The following GLI2 variants were observed in gnomAD, a reference collection of about 807,000 sequenced individuals.
GLI2 encodes the protein GLI family zinc finger 2.
A neutral mutation model predicts 78.9 loss-of-function variants in GLI2; 22 were observed. The observed-to-expected ratio is 0.28, with a 90% CI of 0.20 to 0.40. The LOEUF is 0.40. GLI2 is among the 10% of genes least tolerant of loss of function. The probability of loss-of-function intolerance (pLI) is 1.00; values close to 1 mark genes in which losing one functional copy is unlikely to be tolerated. For synonymous variants in GLI2, 974 were observed against 963.7 expected (o/e 1.01, Z -0.20); for missense variants, 2,097 against 2,213.2 (o/e 0.95, Z 1.05).
At chr2:120,931,775 A>C (rs1679953692) in intron 3 of GLI2, among the ~76,000 whole-genome samples, 1 of 152,164 alleles carries the variant, frequency 6.6e-6, no homozygotes, top group Admixed American at 6.5e-5. Flanking sequence ...CCTGCAAGGT[A>C]GTTACTTCCG....
At chr2:120,960,599 C>G (rs1044123679) in intron 5 of GLI2, among the ~76,000 whole-genome samples, 4 of 152,244 alleles carry the variant, frequency 2.6e-5, no homozygotes, top group Non-Finnish European at 5.9e-5. Flanking sequence ...AATGGAAAAC[C>G]TAATCCCTGT....
At chr2:120,830,261 C>T (rs976203508) in intron 2 of GLI2, among the ~76,000 whole-genome samples, 2 of 152,202 alleles carry the variant, frequency 1.3e-5, no homozygotes, top group South Asian at 2.1e-4. Context: ...CCTCCTTGCC[C>T]TCCTGTTTGT....
At chr2:120,749,423 C>T (rs965036130) in intron 1 of GLI2, among the ~76,000 whole-genome samples, 1 of 152,176 alleles carries the variant, frequency 6.6e-6, no homozygotes, top group Non-Finnish European at 1.5e-5. Flanking sequence ...GGACCCCACA[C>T]ATAATCTCTT....
intron 2 of GLI2, among the ~76,000 whole-genome samples, chr2:120,922,897 G>A (rs1219632347): frequency 6.6e-6 from 1 of 152,228 alleles, no homozygotes; most frequent in Non-Finnish European, 1.5e-5. Flanking sequence ...AAGAGAAAGT[G>A]CTTCTCCTGT....
At position 120,974,941 on chromosome 2, in the gene GLI2, C is replaced by T. The variant is rs776392507; in HGVS notation, c.1183-34C>T. 3.1e-6 allele frequency: 5 copies of T among 1,614,116 alleles called. No individual in the cohort carries two copies. Among genetic ancestry groups the T allele is most frequent in the Admixed American group, 1.7e-5 (1 of 60,014 alleles). ...CTTTTCAGGGCCAGGTGTCTGGACA[C>T]GGCTCATGTGGGTGTGCCCTTCCCC... On this transcript the variant is annotated intron_variant, in intron 8 of 13. Transcript: ENST00000361492.
chr2:120,974,819 G>A (rs1389801874), intron 8 of GLI2, 156 bp from the exon 9 acceptor site: 1 of 950,998 alleles, frequency 1.1e-6, no homozygotes, highest in African/African-American at 1.6e-5. Context: ...TGCATGTGTT[G>A]TGTGTGTGCA....
At chr2:120,740,708 G>C (rs2104619928) in intron 1 of GLI2, among the ~76,000 whole-genome samples, 1 of 152,302 alleles carries the variant, frequency 6.6e-6, no homozygotes, top group Non-Finnish European at 1.5e-5. Context: ...TTTTGTCAAG[G>C]TTTATTGATT....
chr2:120,885,025 C>T (rs1226665995), intron 2 of GLI2, among the ~76,000 whole-genome samples: 1 of 152,216 alleles, frequency 6.6e-6, no homozygotes, highest in Non-Finnish European at 1.5e-5. Flanking sequence ...TGCCTTCCAT[C>T]TTGGAAGTGT....
In GLI2 at chr2:120,989,276, C is replaced by T. The variant is rs752010477; in HGVS notation, c.3311C>T (p.Ala1104Val). ...GCGGACTCCAACGTGGGCCCCTCCG[C>T]CCCTATGCTGGGAGGATGCCAGTTA... ...VAADSNVGPS[A>V]PMLGGCQLGF... Residue 1104 changes from alanine (A) to valine (V), a missense_variant, in exon 14 of 14, where the codon GCC becomes GTC. Ala to Val is a moderately conservative substitution (Grantham distance 64, BLOSUM62 0). This residue lies in a region of GLI2 where 1,290 missense variants were observed against 1,261.7 expected (regional missense o/e 1.02). Coordinates refer to ENST00000361492, the MANE Select transcript of GLI2 (RefSeq NM_001374353.1). The T allele has an allele frequency of 6.2e-7, 1 of 1,613,140 alleles. No individual in the cohort carries two copies. The highest frequency in any genetic ancestry group is 8.5e-7 in the Non-Finnish European group (1 of 1,180,022).
intron 1 of GLI2, among the ~76,000 whole-genome samples, chr2:120,753,093 A>ATTTT (rs55697602): frequency 9.8e-5 from 11 of 111,846 alleles, no homozygotes; most frequent in African/African-American, 3.1e-4. Flanking sequence ...TTCTGTACGT[A>ATTTT]TTTTTTTTTT....
intron 7 of GLI2, among the ~76,000 whole-genome samples, 174 bp downstream of exon 7, chr2:120,970,780 C>A (rs1032786912): frequency 6.6e-6 from 1 of 152,202 alleles, no homozygotes; most frequent in African/African-American, 2.4e-5. Context: ...TGGGCTCAGT[C>A]CATGGGAAGC....
At chr2:120,762,413 C>T (rs1297013808) in intron 1 of GLI2, among the ~76,000 whole-genome samples, 3 of 152,170 alleles carry the variant, frequency 2.0e-5, no homozygotes, top group Non-Finnish European at 2.9e-5. Context: ...TAAGCCTGCC[C>T]GCTGGAATTT....
chr2:120,740,547 A>C (rs1682499830), intron 1 of GLI2, among the ~76,000 whole-genome samples: 1 of 152,218 alleles, frequency 6.6e-6, no homozygotes, highest in South Asian at 2.1e-4. Flanking sequence ...TCTTGAATGA[A>C]GAGTTCAGCA....
At chr2:120,911,668 G>A (rs1678825591) in intron 2 of GLI2, among the ~76,000 whole-genome samples, 1 of 152,150 alleles carries the variant, frequency 6.6e-6, no homozygotes, top group Non-Finnish European at 1.5e-5. Flanking sequence ...CCACTCGCTG[G>A]GCTGGTCGTT....
intron 5 of GLI2, among the ~76,000 whole-genome samples, chr2:120,959,839 G>C (rs1273592154): frequency 1.3e-5 from 2 of 152,208 alleles, no homozygotes; most frequent in East Asian, 3.9e-4. Context: ...AATCCTCACT[G>C]AGAAAATTGT....
chr2:120,957,202 A>G (rs1029045678), intron 5 of GLI2, among the ~76,000 whole-genome samples: 1 of 152,168 alleles, frequency 6.6e-6, no homozygotes, highest in Non-Finnish European at 1.5e-5. Flanking sequence ...AACATGCCTC[A>G]GTGATGCCAC....
At chr2:120,943,321 C>A in intron 3 of GLI2, among the ~76,000 whole-genome samples, 1 of 152,136 alleles carries the variant, frequency 6.6e-6, no homozygotes, top group East Asian at 1.9e-4. Context: ...ACTGGAGGTG[C>A]AGACATCAAA....
rs147049153 is a variant in GLI2, at chr2:120,968,742, G to A, written c.672G>A (p.Thr224=). 4.0e-5 allele frequency: 65 copies of A among 1,613,168 alleles called. No individual in the cohort carries two copies. Among genetic ancestry groups the A allele is most frequent in the African/African-American group, 6.7e-5 (5 of 74,802 alleles). The change falls in exon 6 of 14, where the codon ACG becomes ACA. Residue 224 remains threonine, a synonymous_variant. Coordinates refer to ENST00000361492, the MANE Select transcript of GLI2 (RefSeq NM_001374353.1). ...CCCGTTTCTCCAGCCCGCGGGTGAC[G>A]CCCCGCCTGAGCCGCAAGCGGGCGC... ...DVSRFSSPRV[T]PRLSRKRALS...
chr2:120,920,585 A>G (rs1006282341), intron 2 of GLI2, among the ~76,000 whole-genome samples: 1 of 152,214 alleles, frequency 6.6e-6, no homozygotes, highest in Non-Finnish European at 1.5e-5. Flanking sequence ...GACCGCCAGC[A>G]AGAAACATTT....
Sources: gnomAD v4.1 joint callset for allele counts (sites outside exome capture counted in the v4.1 genomes callset) on GRCh38, gnomAD v4.1.1 for gene constraint, gnomAD v4.1.1 regional missense constraint, MANE v1.5 for transcripts, NCBI Gene and HGNC (gene_info 2026-07-23, HGNC 2026-07-21) for gene names.